Variants in ARMH4 observed in about 807,000 individuals in gnomAD.
ARMH4 encodes the protein armadillo-like helical domain-containing protein 4.
ARMH4 carries 49 observed loss-of-function variants against 61.9 expected under a neutral mutation model. That is an observed-to-expected ratio of 0.79 (90% CI 0.63 to 1.00). The LOEUF is 1.00. Ranked by LOEUF, ARMH4 falls within the 50% of genes least tolerant of loss-of-function variation. ARMH4 has a pLI of 0.00. For missense variants in ARMH4, 934 were observed against 930.0 expected (o/e 1.00, Z -0.06); for synonymous variants, 368 against 341.5 (o/e 1.08, Z -0.85).
intron 5 of ARMH4, among the ~76,000 whole-genome samples, chr14:58,088,791 G>C (rs919932017): frequency 6.6e-6 from 1 of 151,806 alleles, no homozygotes; most frequent in Non-Finnish European, 1.5e-5. Context: ...AAAGCTGAGG[G>C]TTTTTTTTAA....
At chr14:58,043,789 CA>C (rs1338592912) in intron 5 of ARMH4, among the ~76,000 whole-genome samples, 1 of 152,156 alleles carries the variant, frequency 6.6e-6, no homozygotes, top group East Asian at 1.9e-4. Context: ...GCAAAAATCA[CA>C]AGCATTCTTA....
chr14:58,064,146 GAAACGGTCAC>G (rs1884628138), intron 5 of ARMH4, among the ~76,000 whole-genome samples: 3 of 149,986 alleles, frequency 2.0e-5, no homozygotes, highest in African/African-American at 7.6e-5. Context: ...ATCATATCAA[GAAACGGTCAC>G]TTATAATATT....
intron 5 of ARMH4, among the ~76,000 whole-genome samples, chr14:58,066,291 T>G (rs1370594910): frequency 3.9e-5 from 6 of 152,208 alleles, no homozygotes; most frequent in Non-Finnish European, 7.4e-5. Flanking sequence ...TGCCTCCACA[T>G]GCCAGTTGAG....
chr14:58,143,350 C>T (rs1034912399), intron 1 of ARMH4, among the ~76,000 whole-genome samples: 4 of 152,204 alleles, frequency 2.6e-5, no homozygotes, highest in African/African-American at 2.4e-5. Flanking sequence ...AGTCCCCAAA[C>T]AATCTGCAAG....
Position 58,133,268 on chromosome 14 carries a change from C to A in ARMH4, c.1443G>T (p.Gln481His), listed in dbSNP as rs150176441. The A allele has an allele frequency of 1.5e-5, 25 of 1,613,988 alleles. No homozygotes were observed. The highest frequency in any genetic ancestry group is 2.2e-5 in the South Asian group (2 of 91,094). The change falls in exon 3 of 8, where the codon CAG becomes CAT. Residue 481 changes from glutamine (Q) to histidine (H), a missense_variant. Coordinates refer to ENST00000267485, the MANE Select transcript of ARMH4 (RefSeq NM_001001872.4). ...CTCTGATAAGCTCGAGGGTAGCAAC[C>A]TGCTCTTGTGTCACCATGGATAAAG... ...DATLSMVTQEQVATLELIRDS... is the reference protein window; with the variant it reads ...DATLSMVTQEHVATLELIRDS...
At chr14:58,086,547 T>C (rs1327140060) in intron 5 of ARMH4, among the ~76,000 whole-genome samples, 3 of 152,150 alleles carry the variant, frequency 2.0e-5, no homozygotes, top group Non-Finnish European at 2.9e-5. Context: ...AACCTTATGT[T>C]ATCTAAAAAC....
At chr14:58,112,154 A>G (rs1886373793) in intron 4 of ARMH4, among the ~76,000 whole-genome samples, 5 of 152,224 alleles carry the variant, frequency 3.3e-5, no homozygotes, top group Admixed American at 3.3e-4. Context: ...AATTCAGTCC[A>G]TAACACTGAT....
intron 5 of ARMH4, among the ~76,000 whole-genome samples, chr14:58,083,177 C>G (rs1415220188): frequency 6.6e-6 from 1 of 152,216 alleles, no homozygotes; most frequent in Non-Finnish European, 1.5e-5. Flanking sequence ...CATTTGCAGA[C>G]AGATACATTC....
At chr14:58,079,832 T>C (rs1335049799) in intron 5 of ARMH4, among the ~76,000 whole-genome samples, 1 of 152,136 alleles carries the variant, frequency 6.6e-6, no homozygotes, top group Non-Finnish European at 1.5e-5. Context: ...GATCCTTACC[T>C]GAGGGGAGCT....
Position 58,030,653 on chromosome 14 carries a change from A to C in ARMH4, c.2090-18503T>G, listed in dbSNP as rs1406646131. Reference sequence around the variant, plus strand: ...CCCCTCCTGCTAGCCCCTGGGAATCAGCATTCTGTCTCTATGAATTTAACT... The same window carrying C: ...CCCCTCCTGCTAGCCCCTGGGAATCCGCATTCTGTCTCTATGAATTTAACT... On this transcript the variant is annotated intron_variant, in intron 5 of 7. Coordinates refer to ENST00000267485, the MANE Select transcript of ARMH4 (RefSeq NM_001001872.4). 2.0e-5 allele frequency among the ~76,000 whole-genome samples: 3 copies of C among 152,216 alleles called. No homozygotes were observed. In the East Asian group the frequency reaches 5.8e-4, roughly 29 times the overall value.
intron 5 of ARMH4, among the ~76,000 whole-genome samples, chr14:58,044,050 T>G (rs1480867273): frequency 6.6e-6 from 1 of 152,174 alleles, no homozygotes; most frequent in African/African-American, 2.4e-5. Context: ...CAAGGTAATT[T>G]ATAGATTCAA....
chr14:58,027,004 G>A (rs1300943044), intron 5 of ARMH4, among the ~76,000 whole-genome samples: 1 of 152,164 alleles, frequency 6.6e-6, no homozygotes, highest in Non-Finnish European at 1.5e-5. Flanking sequence ...AATTAGAAGT[G>A]GAGTGCTAAA....
At chr14:58,004,826 G>C in intron 7 of ARMH4, 22 bp from the exon 8 acceptor site, 6 of 1,599,138 alleles carry the variant, frequency 3.8e-6, no homozygotes, top group Non-Finnish European at 5.1e-6. Flanking sequence ...AAACAGAAAA[G>C]CATTAAACTC....
chr14:58,142,647 T>C (rs959719823), intron 1 of ARMH4, among the ~76,000 whole-genome samples: 3 of 152,184 alleles, frequency 2.0e-5, no homozygotes, highest in East Asian at 3.9e-4. Flanking sequence ...AATTTTTGTA[T>C]TTTTATTAGA....
At chr14:58,106,679 C>T (rs1302736876) in intron 4 of ARMH4, among the ~76,000 whole-genome samples, 4 of 152,294 alleles carry the variant, frequency 2.6e-5, no homozygotes, top group African/African-American at 7.2e-5. Flanking sequence ...TTTGTACTTA[C>T]ATGGGGCTTT....
In ARMH4 at chr14:58,064,116, AACAATTCCAACACACGATTAT is replaced by A. The variant is rs1444787996; in HGVS notation, c.2089+32587_2089+32607del. 4.7e-3 allele frequency among the ~76,000 whole-genome samples: 710 copies of A among 152,176 alleles called. 1 individual carries two copies. Among genetic ancestry groups the A allele is most frequent in the African/African-American group, 0.017 (698 of 41,420 alleles). On this transcript the variant is annotated intron_variant, in intron 5 of 7. Transcript: ENST00000267485. The stretch of plus-strand genomic sequence containing the variant: ...AATGTTGGCATTAAAATTTTGCCTT[AACAATTCCAACACACGATTAT>A]CATATCAAGAAACGGTCACTTATAA...
intron 4 of ARMH4, among the ~76,000 whole-genome samples, chr14:58,099,536 A>C (rs940588084): frequency 6.6e-6 from 1 of 152,210 alleles, no homozygotes; most frequent in African/African-American, 2.4e-5. Flanking sequence ...TGATATAGAC[A>C]AAGGCCAGGT....
Position 58,083,159 on chromosome 14 carries a change from G to A in ARMH4, c.2089+13565C>T, listed in dbSNP as rs183026085. Among the ~76,000 whole-genome samples, 3 of 152,314 alleles carry A rather than the reference G, an allele frequency of 2.0e-5. No homozygotes were observed. The East Asian group carries it at 5.8e-4, about 29-fold the overall frequency. On this transcript the variant is annotated intron_variant, in intron 5 of 7. Coordinates refer to ENST00000267485, the MANE Select transcript of ARMH4 (RefSeq NM_001001872.4). ...TGAGACTTTAGAGTTGTTTGTTATA[G>A]CAACTGGCATTTGCAGACAGATACA... is the stretch of plus-strand genomic sequence containing the variant.
chr14:58,056,995 T>G (rs574485882), intron 5 of ARMH4, among the ~76,000 whole-genome samples: 1 of 152,190 alleles, frequency 6.6e-6, no homozygotes, highest in Non-Finnish European at 1.5e-5. Flanking sequence ...ACCCCAGACA[T>G]CAACAATGCC....
Sources: gnomAD v4.1 joint callset for allele counts (sites outside exome capture counted in the v4.1 genomes callset) on GRCh38, gnomAD v4.1.1 for gene constraint, MANE v1.5 for transcripts, NCBI Gene and HGNC (gene_info 2026-07-23, HGNC 2026-07-21) for gene names.